Variants in HSD17B12 observed in about 807,000 individuals in gnomAD.
HSD17B12 encodes the protein hydroxysteroid 17-beta dehydrogenase 12.
In HSD17B12, 32 loss-of-function variants were observed where a neutral mutation model predicts 39.3. The ratio of observed to expected loss-of-function variants is 0.81; its 90% CI spans 0.61 to 1.09. The LOEUF is 1.09. Ranked by LOEUF, HSD17B12 falls within the 50% of genes least tolerant of loss-of-function variation. The pLI, the probability that HSD17B12 is intolerant of heterozygous loss-of-function variation, is 0.00. For synonymous variants in HSD17B12, 150 were observed against 146.7 expected (o/e 1.02, Z -0.16); for missense variants, 342 against 382.9 (o/e 0.89, Z 0.89).
At chr11:43,810,810 A>G (rs1951066152) in intron 4 of HSD17B12, among the ~76,000 whole-genome samples, 1 of 152,146 alleles carries the variant, frequency 6.6e-6, no homozygotes, top group South Asian at 2.1e-4. Context: ...TTACACAATA[A>G]AAAGGTTTTT....
At chr11:43,832,898 G>A (rs1378633442) in intron 7 of HSD17B12, among the ~76,000 whole-genome samples, 1 of 152,034 alleles carries the variant, frequency 6.6e-6, no homozygotes, top group African/African-American at 2.4e-5. Context: ...TGGGCGTGGT[G>A]GCACACAGCT....
chr11:43,813,957 C>T lies in HSD17B12; in HGVS notation c.392-1480C>T, dbSNP rs147879367. 2.2e-3 allele frequency among the ~76,000 whole-genome samples: 339 copies of T among 152,244 alleles called. 2 individuals are homozygous for T. In the Middle Eastern group the frequency reaches 0.031, roughly 14 times the overall value. On this transcript the variant is annotated intron_variant, in intron 4 of 10. Transcript: ENST00000278353. ...CTTATAATTAAATATAAAACCCTTA[C>T]TGAGTTCCTTTGAACTATTAATTTT...
intron 4 of HSD17B12, among the ~76,000 whole-genome samples, chr11:43,809,796 C>T (rs1471099263): frequency 1.3e-5 from 2 of 152,126 alleles, no homozygotes; most frequent in Non-Finnish European, 2.9e-5. Context: ...CCAGCCTGGG[C>T]AACATGAGCG....
chr11:43,672,671 G>C, the HSD17B12 span, among the ~76,000 whole-genome samples: 1 of 151,988 alleles, frequency 6.6e-6, no homozygotes, highest in East Asian at 1.9e-4. Flanking sequence ...CCCCTGAGTA[G>C]CTGGGATTAC....
the HSD17B12 span, among the ~76,000 whole-genome samples, chr11:43,580,998 G>A: frequency 2.0e-5 from 3 of 152,068 alleles, no homozygotes; most frequent in Non-Finnish European, 4.4e-5. Flanking sequence ...AGGGGATTCG[G>A]GGGGAATCCG....
intron 3 of HSD17B12, among the ~76,000 whole-genome samples, chr11:43,775,290 A>G (rs181723198): frequency 2.0e-4 from 30 of 152,246 alleles, no homozygotes; most frequent in Non-Finnish European, 3.2e-4. Flanking sequence ...TAATACATAT[A>G]TATTGTTCTA....
intron 1 of HSD17B12, among the ~76,000 whole-genome samples, chr11:43,693,155 C>G (rs1014318599): frequency 1.1e-4 from 16 of 152,258 alleles, no homozygotes; most frequent in Middle Eastern, 3.4e-3. Context: ...CCAGGCCAGA[C>G]AGTTCAGTGG....
At chr11:43,578,294 C>A in the HSD17B12 span, among the ~76,000 whole-genome samples, 1 of 152,178 alleles carries the variant, frequency 6.6e-6, no homozygotes, top group Non-Finnish European at 1.5e-5. Context: ...GCTTCATTCA[C>A]CCCTTCCCTT....
chr11:43,631,496 C>T, the HSD17B12 span, among the ~76,000 whole-genome samples: 1 of 152,114 alleles, frequency 6.6e-6, no homozygotes, highest in African/African-American at 2.4e-5. Flanking sequence ...CAGTAGGTTC[C>T]TACATGAGGC....
At chr11:43,754,731 G>A (rs900691325) in intron 3 of HSD17B12, 1 of 512,348 alleles carries the variant, frequency 2.0e-6, no homozygotes, top group African/African-American at 2.0e-5. Context: ...CTTGTTTGCT[G>A]TGACTTCATT....
Position 43,772,154 on chromosome 11 carries a change from G to T in HSD17B12, c.283+18033G>T, listed in dbSNP as rs1051146921. Among the ~76,000 whole-genome samples the T allele has an allele frequency of 3.9e-5, 6 of 152,246 alleles. No homozygotes were observed. The East Asian group carries it at 5.8e-4, about 15-fold the overall frequency. ...TGGAAGTTTACCTTCATTTAGCATG[G>T]TTCCAAGTGTTGAGTCGTTAATAGT... On this transcript the variant is annotated intron_variant, in intron 3 of 10. Transcript: ENST00000278353.
the HSD17B12 span, among the ~76,000 whole-genome samples, chr11:43,624,726 C>T: frequency 6.6e-6 from 1 of 151,626 alleles, no homozygotes; most frequent in Non-Finnish European, 1.5e-5. Flanking sequence ...ATTTTTAAAA[C>T]TTTAAAAAGT....
At chr11:43,647,713 T>A in the HSD17B12 span, among the ~76,000 whole-genome samples, 1 of 152,212 alleles carries the variant, frequency 6.6e-6, no homozygotes, top group Non-Finnish European at 1.5e-5. Context: ...TTGTTGATTG[T>A]AGTTTGTACA....
upstream of HSD17B12, chr11:43,680,539 G>A (rs1357965356): frequency 6.6e-6 from 3 of 453,940 alleles, no homozygotes; most frequent in African/African-American, 6.1e-5. Context: ...GCGCCTCGGT[G>A]GGGTGAGACA....
At chr11:43,761,623 C>T (rs1950555888) in intron 3 of HSD17B12, among the ~76,000 whole-genome samples, 1 of 152,196 alleles carries the variant, frequency 6.6e-6, no homozygotes, top group Admixed American at 6.5e-5. Flanking sequence ...ATGGTCTGGT[C>T]TGGAAGATCT....
At chr11:43,677,883 C>T (rs1664279621), upstream of HSD17B12, among the ~76,000 whole-genome samples, 1 of 152,142 alleles carries the variant, frequency 6.6e-6, no homozygotes, top group Non-Finnish European at 1.5e-5. Context: ...AATAGTGCTG[C>T]AATAAACATA....
At chr11:43,671,465 G>A in the HSD17B12 span, among the ~76,000 whole-genome samples, 3 of 152,242 alleles carry the variant, frequency 2.0e-5, no homozygotes, top group Non-Finnish European at 4.4e-5. Flanking sequence ...ACAGGCATGA[G>A]CCATCGCACC....
chr11:43,847,893 A>C (rs1951492822), intron 9 of HSD17B12, among the ~76,000 whole-genome samples: 2 of 152,176 alleles, frequency 1.3e-5, no homozygotes, highest in South Asian at 4.1e-4. Flanking sequence ...AAATAGGACA[A>C]ATTGAGATGA....
At chr11:43,658,525 T>C in the HSD17B12 span, among the ~76,000 whole-genome samples, 1 of 152,248 alleles carries the variant, frequency 6.6e-6, no homozygotes, top group African/African-American at 2.4e-5. Context: ...TTTGTGGTTT[T>C]ATCTACCTGT....
Sources: gnomAD v4.1 joint callset for allele counts (sites outside exome capture counted in the v4.1 genomes callset) on GRCh38, gnomAD v4.1.1 for gene constraint, MANE v1.5 for transcripts, NCBI Gene and HGNC (gene_info 2026-07-23, HGNC 2026-07-21) for gene names.